Variants in FAM227A observed in about 807,000 individuals in gnomAD.
FAM227A encodes protein FAM227A.
In FAM227A, 80 loss-of-function variants were observed where a neutral mutation model predicts 74.7. That is an observed-to-expected ratio of 1.07 (90% CI 0.89 to 1.29). The LOEUF is 1.29. FAM227A is among the 50% of genes most tolerant of loss of function. The pLI, the probability that FAM227A is intolerant of heterozygous loss-of-function variation, is 0.00. For missense variants in FAM227A, 654 were observed against 683.4 expected (o/e 0.96, Z 0.48); for synonymous variants, 237 against 241.8 (o/e 0.98, Z 0.19).
At chr22:38,613,105 T>TTA (rs554169878) in intron 11 of FAM227A, among the ~76,000 whole-genome samples, 23 of 94,022 alleles carry the variant, frequency 2.4e-4, no homozygotes, top group African/African-American at 3.3e-4. Flanking sequence ...TTATATATAA[T>TTA]TATATATATA....
intron 5 of FAM227A, among the ~76,000 whole-genome samples, 171 bp from the exon 6 acceptor site, chr22:38,636,768 TTC>T (rs1322038472): frequency 2.3e-5 from 3 of 128,326 alleles, no homozygotes; most frequent in African/African-American, 1.0e-4. Context: ...TCTACATTAT[TTC>T]TTTTTTTTTT....
rs375988251 is a variant in FAM227A at position 38,591,437 on chromosome 22, T to C, written c.1636A>G (p.Lys546Glu). Reference sequence around the variant, plus strand: ...TCAATTTCTCTTTGGAGACTTCCCTTAGTTTTCTTGTCAGGTGATTCCTCA... The same window carrying C: ...TCAATTTCTCTTTGGAGACTTCCCTCAGTTTTCTTGTCAGGTGATTCCTCA... The part of the protein sequence containing the change: ...VNEESPDKKT[K>E]EGKGGEGKRR... Residue 546 changes from lysine to glutamate, a missense_variant and splice_region_variant, in exon 16 of 17, where the codon AAG (lysine) becomes GAG (glutamate). By Grantham distance (56) the Lys-to-Glu change is moderately conservative. Transcript: ENST00000535113. 1 of 1,551,458 alleles carries C rather than the reference T, an allele frequency of 6.4e-7. No individual in the cohort carries two copies. The highest frequency in any genetic ancestry group is 1.7e-4 in the Middle Eastern group (1 of 5,992).
At chr22:38,644,900 C>G (rs375068303) in intron 3 of FAM227A, among the ~76,000 whole-genome samples, 90 of 151,336 alleles carry the variant, frequency 5.9e-4, no homozygotes, top group African/African-American at 2.0e-3. Flanking sequence ...CCAGCCTGAC[C>G]AACATGGTGG....
chr22:38,635,061 A>G (rs1462084941), intron 6 of FAM227A, among the ~76,000 whole-genome samples: 1 of 151,892 alleles, frequency 6.6e-6, no homozygotes, highest in East Asian at 1.9e-4. Context: ...CCTGGCCAAC[A>G]GTGAAACCCC....
In FAM227A at chr22:38,599,873, T is replaced by C. The variant is rs1173463555; in HGVS notation, c.1270A>G (p.Ile424Val). The C allele has an allele frequency of 3.2e-6, 5 of 1,551,284 alleles. No homozygotes were observed. Among genetic ancestry groups the C allele is most frequent in the East Asian group, 2.4e-5 (1 of 40,926 alleles). Residue 424 changes from isoleucine (I) to valine (V), a missense_variant, in exon 14 of 17, where the codon ATT (isoleucine) becomes GTT (valine). By Grantham distance (29) the Ile-to-Val change is conservative. Coordinates refer to ENST00000535113, the MANE Select transcript of FAM227A (RefSeq NM_001013647.2). ...SPELTSNLFN[I>V]YGKSPLIVYF... Reference sequence around the variant, plus strand: ...ACAATCAGAGGGCTCTTCCCATAAATGTTGAAGAGGTTTGAAGTCAGCTCA... The same window carrying C: ...ACAATCAGAGGGCTCTTCCCATAAACGTTGAAGAGGTTTGAAGTCAGCTCA...
chr22:38,620,307 A>G lies in FAM227A; in HGVS notation c.959-16T>C, dbSNP rs374409213. 5.2e-6 allele frequency: 8 copies of G among 1,531,448 alleles called. No homozygotes were observed. The South Asian group carries it at 9.6e-5, about 18-fold the overall frequency. 94.9% of individuals were successfully genotyped at this position (1,531,448 alleles called of 1,614,324 possible). Reference sequence around the variant, plus strand: ...AACTCTCTCCCTATAGAAGGGGAAAAGCTGTTATTAATTCCTCTTGTCATG... The same window carrying G: ...AACTCTCTCCCTATAGAAGGGGAAAGGCTGTTATTAATTCCTCTTGTCATG... On this transcript the variant is annotated splice_polypyrimidine_tract_variant and intron_variant, in intron 10 of 16. Transcript: ENST00000535113.
intron 11 of FAM227A, among the ~76,000 whole-genome samples, chr22:38,611,250 G>C (rs557179232): frequency 6.6e-6 from 1 of 151,922 alleles, no homozygotes; most frequent in South Asian, 2.1e-4. Context: ...CAGCTGCTCA[G>C]ATTCAGCACG....
chr22:38,636,379 G>T, intron 6 of FAM227A, 72 bp downstream of exon 6: 1 of 1,479,148 alleles, frequency 6.8e-7, no homozygotes, highest in Non-Finnish European at 9.1e-7. Flanking sequence ...TTTCTCCTGG[G>T]GTGTGAAAGG....
Position 38,582,410 on chromosome 22 carries a change from G to A in FAM227A, c.*3715C>T. ...ATGGGTTTTCAGCAACACTGGGAAT[G>A]ACAGAATTAGAATATCATACAATTA... is the stretch of plus-strand genomic sequence containing the variant. On this transcript the variant is annotated 3_prime_UTR_variant, in exon 17 of 17. Coordinates refer to ENST00000535113, the MANE Select transcript of FAM227A (RefSeq NM_001013647.2). The A allele has an allele frequency of 2.6e-6, 4 of 1,550,144 alleles. No individual in the cohort carries two copies. Among genetic ancestry groups the A allele is most frequent in the Non-Finnish European group, 3.5e-6 (4 of 1,146,590 alleles).
At chr22:38,590,628 TC>T (rs1308043181) in intron 16 of FAM227A, among the ~76,000 whole-genome samples, 1 of 152,220 alleles carries the variant, frequency 6.6e-6, no homozygotes, top group African/African-American at 2.4e-5. Flanking sequence ...TGAGCTGGCT[TC>T]CTGGCACATG....
In FAM227A at chr22:38,591,524, C is replaced by T; in HGVS notation, c.1549G>A (p.Asp517Asn). The T allele has an allele frequency of 6.5e-7, 1 of 1,542,026 alleles. No homozygotes were observed. Among genetic ancestry groups the T allele is most frequent in the Non-Finnish European group, 8.7e-7 (1 of 1,143,864 alleles). Residue 517 changes from aspartate to asparagine, a missense_variant, in exon 16 of 17, where the codon GAT becomes AAT. Coordinates refer to ENST00000535113, the MANE Select transcript of FAM227A (RefSeq NM_001013647.2). ...TTTTTTGTATCTGCTGCTTTTGGAT[C>T]AATATTCTTCATTTCCCTGGGAGGA... ...DNFSREMKNI[D>N]PKAADTKKAN...
rs754738201 is a variant in FAM227A at position 38,585,790 on chromosome 22, G to A, written c.*335C>T. On this transcript the variant is annotated 3_prime_UTR_variant, in exon 17 of 17. Transcript: ENST00000535113. The stretch of plus-strand genomic sequence containing the variant: ...TTTCTAAACCTGGGCTTGCTGCTGC[G>A]TAAAATGCAGTGGATAATCCCTACT... 1.2e-5 allele frequency: 5 copies of A among 411,150 alleles called. No homozygotes were observed. Among genetic ancestry groups the A allele is most frequent in the South Asian group, 4.4e-5 (1 of 22,766 alleles). The allele number at this position is 411,150 out of a possible 1,614,324, so 25.5% of individuals were successfully genotyped here. A position where few individuals can be genotyped will look rare whatever the true frequency, so the allele number is the denominator to read the frequency against.
intron 11 of FAM227A, among the ~76,000 whole-genome samples, chr22:38,615,990 G>A (rs2091567457): frequency 6.6e-6 from 1 of 152,160 alleles, no homozygotes; most frequent in South Asian, 2.1e-4. Context: ...GGAGAGGCCA[G>A]GGCGAAGGTG....
At chr22:38,595,075 C>T (rs1026768750) in intron 15 of FAM227A, among the ~76,000 whole-genome samples, 10 of 151,856 alleles carry the variant, frequency 6.6e-5, no homozygotes, top group Non-Finnish European at 7.4e-5. Flanking sequence ...TGCAGCCTGG[C>T]GACAGAGCGA....
chr22:38,622,440 G>C (rs756504026), intron 10 of FAM227A, among the ~76,000 whole-genome samples: 17 of 152,240 alleles, frequency 1.1e-4, no homozygotes, highest in Admixed American at 2.6e-4. Flanking sequence ...GCTGAGCAGA[G>C]TGCCTGGCAC....
chr22:38,626,050 T>C, intron 9 of FAM227A, 130 bp downstream of exon 9: 1 of 961,264 alleles, frequency 1.0e-6, no homozygotes, highest in Non-Finnish European at 1.5e-6. Flanking sequence ...TTGCTCTCTT[T>C]AATGTTAAGG....
chr22:38,594,522 C>T (rs1458333357), intron 15 of FAM227A, among the ~76,000 whole-genome samples: 1 of 152,138 alleles, frequency 6.6e-6, no homozygotes, highest in Non-Finnish European at 1.5e-5. Context: ...TTCTTGGCTG[C>T]AGAGTATGGA....
At chr22:38,638,343 C>T (rs1183383371) in intron 5 of FAM227A, among the ~76,000 whole-genome samples, 4 of 152,278 alleles carry the variant, frequency 2.6e-5, no homozygotes, top group Non-Finnish European at 1.5e-5. Context: ...TCACCTTCTG[C>T]TCCTGAATCT....
At position 38,599,914 on chromosome 22, in the gene FAM227A, G is replaced by A; in HGVS notation, c.1229C>T (p.Ala410Val). The A allele has an allele frequency of 6.5e-7, 1 of 1,545,724 alleles. No individual in the cohort carries two copies. Among genetic ancestry groups the A allele is most frequent in the Non-Finnish European group, 8.7e-7 (1 of 1,144,814 alleles). ...AGTCAGCTCAGGGCTTTTGCAGGCA[G>A]CACACGACTAAGGATGAAAGAAAAA... The part of the protein sequence containing the change: ...CENMFPKKSC[A>V]ACKSPELTSN... The change falls in exon 14 of 17, where the codon GCT (alanine) becomes GTT (valine). Residue 410 changes from alanine (A) to valine (V), a missense_variant. Physicochemically the swap from Ala to Val is moderately conservative, Grantham distance 64 (BLOSUM62 0). Transcript: ENST00000535113.
Sources: allele counts gnomAD v4.1 joint callset (sites outside exome capture counted in the v4.1 genomes callset), GRCh38; gene constraint gnomAD v4.1.1; transcripts MANE v1.5; gene names NCBI Gene and HGNC (gene_info 2026-07-23, HGNC 2026-07-21).